Variants in CACNA2D3 observed in about 807,000 individuals in gnomAD.
The protein encoded by CACNA2D3 is voltage-dependent calcium channel subunit alpha-2/delta-3.
In CACNA2D3, 60 loss-of-function variants were observed where a neutral mutation model predicts 160.6. The observed-to-expected ratio is 0.37, with a 90% CI of 0.30 to 0.46. The LOEUF (loss-of-function observed/expected upper bound fraction) is 0.46. Among genes scored for constraint, CACNA2D3 ranks in the 20% least tolerant of loss-of-function variants. The pLI is 1.00. For missense variants in CACNA2D3, 1,205 were observed against 1,365.0 expected (o/e 0.88, Z 1.85); for synonymous variants, 558 against 492.9 (o/e 1.13, Z -1.75).
intron 17 of CACNA2D3, among the ~76,000 whole-genome samples, chr3:54,859,972 GCA>G (rs1553891454): frequency 0.041 from 5,426 of 133,806 alleles, 134 homozygotes; most frequent in African/African-American, 0.071. Context: ...GAAAGTAGAT[GCA>G]CACACACACA....
chr3:54,652,300 G>A (rs1699783986), intron 11 of CACNA2D3, among the ~76,000 whole-genome samples: 1 of 152,304 alleles, frequency 6.6e-6, no homozygotes, highest in South Asian at 2.1e-4. Flanking sequence ...ATTTATTGAG[G>A]GCCCGCTGTG....
intron 2 of CACNA2D3, among the ~76,000 whole-genome samples, chr3:54,199,536 A>T (rs1327039056): frequency 5.9e-5 from 9 of 151,396 alleles, no homozygotes; most frequent in African/African-American, 1.5e-4. Flanking sequence ...CCCGCCACTA[A>T]TTTTTTTATT....
chr3:54,197,226 C>CCATCAGCTCTTCAAGCAGAAAAGCA (rs1701098323), intron 2 of CACNA2D3: 1 of 152,106 alleles, frequency 6.6e-6, no homozygotes, highest in Non-Finnish European at 1.5e-5. Context: ...CTGTCTCCTT[C>CCATCAGCTCTTCAAGCAGAAAAGCA]CATCAGCTCT....
chr3:54,858,156 A>G (rs1271111753), intron 17 of CACNA2D3, among the ~76,000 whole-genome samples: 1 of 151,926 alleles, frequency 6.6e-6, no homozygotes, highest in East Asian at 1.9e-4. Flanking sequence ...AAAGTGTTGA[A>G]TAATGATCTC....
chr3:54,475,694 G>A (rs1700816167), intron 4 of CACNA2D3, among the ~76,000 whole-genome samples: 1 of 152,004 alleles, frequency 6.6e-6, no homozygotes, highest in South Asian at 2.1e-4. Flanking sequence ...GCTTTATTGA[G>A]ACATAATTGA....
intron 3 of CACNA2D3, among the ~76,000 whole-genome samples, chr3:54,353,888 C>G (rs1698606192): frequency 6.6e-6 from 1 of 152,146 alleles, no homozygotes; most frequent in Non-Finnish European, 1.5e-5. Flanking sequence ...TGGTTCTGTA[C>G]TAAGGAGAAC....
At chr3:54,484,846 AT>A (rs368714812) in intron 4 of CACNA2D3, among the ~76,000 whole-genome samples, 14,019 of 143,684 alleles carry the variant, frequency 0.098, 714 homozygotes, top group Middle Eastern at 0.13. Context: ...TAGGTAGATA[AT>A]TTTTTTTTTT....
chr3:54,319,061 G>A lies in CACNA2D3; in HGVS notation c.205-1381G>A, dbSNP rs200776396. Among the ~76,000 whole-genome samples, 8 of 151,644 alleles carry A rather than the reference G, an allele frequency of 5.3e-5. No individual in the cohort carries two copies. In the East Asian group the frequency reaches 7.7e-4, roughly 15 times the overall value. ...TGCTTTCCTTAGAGTTCCTCCCCTTGTCCTCAAACAGTAATCTCATTTCAG... is the reference window on the plus strand; with the variant it reads ...TGCTTTCCTTAGAGTTCCTCCCCTTATCCTCAAACAGTAATCTCATTTCAG... On this transcript the variant is annotated intron_variant, in intron 2 of 37. Coordinates refer to ENST00000474759, the MANE Select transcript of CACNA2D3 (RefSeq NM_018398.3).
intron 2 of CACNA2D3, 103 bp from the exon 3 acceptor site, chr3:54,320,339 A>C (rs997436191): frequency 1.8e-6 from 1 of 569,724 alleles, no homozygotes; most frequent in Non-Finnish European, 3.1e-6. Flanking sequence ...GTCATGGTGT[A>C]ATTTTATCTT....
At chr3:54,469,033 C>T (rs1440010373) in intron 4 of CACNA2D3, among the ~76,000 whole-genome samples, 1 of 152,230 alleles carries the variant, frequency 6.6e-6, no homozygotes, top group East Asian at 1.9e-4. Context: ...CCTGCCGGCT[C>T]TTAAGAGAAC....
At chr3:54,656,412 G>T (rs950894578) in intron 11 of CACNA2D3, among the ~76,000 whole-genome samples, 1 of 152,228 alleles carries the variant, frequency 6.6e-6, no homozygotes. Context: ...CTCCAACAGA[G>T]GCTGCTGGTC....
intron 4 of CACNA2D3, among the ~76,000 whole-genome samples, chr3:54,448,054 C>A (rs1329948229): frequency 6.6e-6 from 1 of 152,076 alleles, no homozygotes; most frequent in Non-Finnish European, 1.5e-5. Context: ...AAGGATGAAT[C>A]CAGGGGCTCA....
At chr3:54,462,740 C>G (rs1484215614) in intron 4 of CACNA2D3, among the ~76,000 whole-genome samples, 1 of 152,160 alleles carries the variant, frequency 6.6e-6, no homozygotes, top group Admixed American at 6.5e-5. Context: ...ATTTGCCAGT[C>G]TGTGTCTTTT....
At chr3:54,954,312 T>C (rs3796234) in intron 27 of CACNA2D3, among the ~76,000 whole-genome samples, 26,413 of 152,190 alleles carry the variant, frequency 0.17, 3,059 homozygotes, top group African/African-American at 0.33. Flanking sequence ...ACTTCCCCAC[T>C]GAGTTGTCTG....
intron 35 of CACNA2D3, among the ~76,000 whole-genome samples, chr3:55,032,664 G>A (rs1841143): frequency 0.61 from 92,414 of 151,884 alleles, 28,322 homozygotes; most frequent in African/African-American, 0.64. Context: ...CTTAGTTGCC[G>A]TCTGTGCCTC....
intron 4 of CACNA2D3, among the ~76,000 whole-genome samples, chr3:54,462,767 C>T (rs1165172124): frequency 1.3e-5 from 2 of 152,080 alleles, no homozygotes; most frequent in Non-Finnish European, 2.9e-5. Context: ...AGCATTTAGT[C>T]CATTTGCATT....
chr3:54,141,411 A>G (rs1287396770), intron 2 of CACNA2D3, among the ~76,000 whole-genome samples: 1 of 151,994 alleles, frequency 6.6e-6, no homozygotes, highest in Non-Finnish European at 1.5e-5. Flanking sequence ...CTCCCAACCA[A>G]CCTGTCCAAA....
At chr3:54,391,004 G>GA (rs75040780) in intron 4 of CACNA2D3, among the ~76,000 whole-genome samples, 67,487 of 148,068 alleles carry the variant, frequency 0.46, 15,845 homozygotes, top group Non-Finnish European at 0.54. Flanking sequence ...TTTTCATACT[G>GA]AAAAATAAAA....
intron 2 of CACNA2D3, among the ~76,000 whole-genome samples, chr3:54,306,162 G>T (rs7431613): frequency 6.6e-6 from 1 of 152,066 alleles, no homozygotes; most frequent in African/African-American, 2.4e-5. Flanking sequence ...AGTACCTGTG[G>T]TCTGCTGCAC....
Sources: gnomAD v4.1 joint callset for allele counts (sites outside exome capture counted in the v4.1 genomes callset) on GRCh38, gnomAD v4.1.1 for gene constraint, MANE v1.5 for transcripts, NCBI Gene and HGNC (gene_info 2026-07-23, HGNC 2026-07-21) for gene names.